The following RFTN1 variants were observed in gnomAD, a reference collection of about 807,000 sequenced individuals.
RFTN1 encodes the protein raftlin.
A neutral mutation model predicts 46.5 loss-of-function variants in RFTN1; 26 were observed. The observed-to-expected ratio is 0.56, with a 90% CI of 0.41 to 0.78. The LOEUF is 0.78. Ranked by LOEUF, RFTN1 falls within the 30% of genes least tolerant of loss-of-function variation. RFTN1 has a pLI of 0.00. For synonymous variants in RFTN1, 261 were observed against 284.2 expected (o/e 0.92, Z 0.82); for missense variants, 693 against 718.7 (o/e 0.96, Z 0.41).
At position 16,336,061 on chromosome 3, in the gene RFTN1, A is replaced by G. The variant is rs1050250808; in HGVS notation, c.1147-9185T>C. Among the ~76,000 whole-genome samples, 1 of 152,198 alleles carries G rather than the reference A, an allele frequency of 6.6e-6. No homozygotes were observed. Among genetic ancestry groups the G allele is most frequent in the Non-Finnish European group, 1.5e-5 (1 of 68,042 alleles). Reference sequence around the variant, plus strand: ...AGGTCCTGTTCTCCTACGGCCATGGAAAGTGGAGATCTAGAGGCAGGGTGG... The same window carrying G: ...AGGTCCTGTTCTCCTACGGCCATGGGAAGTGGAGATCTAGAGGCAGGGTGG... On this transcript the variant is annotated intron_variant, in intron 7 of 9. Transcript: ENST00000334133. This position sits in a 1 kb window ranked among gnomAD's most constrained non-coding sequence, Gnocchi z 6.0.
Position 16,316,655 on chromosome 3 carries a change from A to G in RFTN1, c.*173T>C, listed in dbSNP as rs1465054954. 2 of 728,634 alleles carry G rather than the reference A, an allele frequency of 2.7e-6. No individual in the cohort carries two copies. The highest frequency in any genetic ancestry group is 4.9e-5 in the East Asian group (2 of 40,656). 45.1% of individuals were successfully genotyped at this position (728,634 alleles called of 1,614,324 possible). A position where few individuals can be genotyped will look rare whatever the true frequency, so the allele number is the denominator to read the frequency against. On this transcript the variant is annotated 3_prime_UTR_variant, in exon 10 of 10. Transcript: ENST00000334133. The surrounding 1 kb of genome is among the most constrained non-coding windows in gnomAD (Gnocchi z 4.5). ...CTTTCCAGTGGATGTGCAAAAACCA[A>G]CACTGTCAGGAACCTGGCCCTGGGA...
chr3:16,359,322 A>G (rs531739752), intron 6 of RFTN1, among the ~76,000 whole-genome samples: 1 of 152,286 alleles, frequency 6.6e-6, no homozygotes, highest in Non-Finnish European at 1.5e-5. Flanking sequence ...CTCAATCATA[A>G]TATTATGGAC....
At chr3:16,432,877 G>T (rs573268981) in intron 3 of RFTN1, among the ~76,000 whole-genome samples, 3 of 152,142 alleles carry the variant, frequency 2.0e-5, no homozygotes, top group Non-Finnish European at 2.9e-5. Flanking sequence ...CAACCATGAA[G>T]AAATAAAGGA....
intron 3 of RFTN1, among the ~76,000 whole-genome samples, chr3:16,412,493 A>G (rs1469760601): frequency 6.6e-6 from 1 of 152,218 alleles, no homozygotes; most frequent in Admixed American, 6.5e-5. Context: ...GCAAAGCCCT[A>G]TAGAGCTGCC....
chr3:16,510,788 A>G (rs2076886850), intron 1 of RFTN1, among the ~76,000 whole-genome samples: 1 of 152,216 alleles, frequency 6.6e-6, no homozygotes, highest in African/African-American at 2.4e-5. Flanking sequence ...CCCATGAGAA[A>G]TGAGAACACA....
In RFTN1 at chr3:16,458,334, G is replaced by A. The variant is rs2075949645; in HGVS notation, c.146-24297C>T. On this transcript the variant is annotated intron_variant, in intron 2 of 9. Coordinates refer to ENST00000334133, the MANE Select transcript of RFTN1 (RefSeq NM_015150.2). The surrounding 1 kb of genome is among the most constrained non-coding windows in gnomAD (Gnocchi z 5.1). ...GTTCTGCTGTATTATTCAGGTCCAG[G>A]TATGCTCGGGGTGCTGGAGTTTCAG... is the stretch of plus-strand genomic sequence containing the variant. 6.6e-6 allele frequency among the ~76,000 whole-genome samples: 1 copy of A among 152,174 alleles called. No homozygotes were observed. Among genetic ancestry groups the A allele is most frequent in the South Asian group, 2.1e-4 (1 of 4,830 alleles).
At position 16,481,957 on chromosome 3, in the gene RFTN1, T is replaced by G. The variant is rs1473598613; in HGVS notation, c.145+11768A>C. ...CATCCACACATACTCAAGCTCAGACTTGGCCTTCTGAATCTGAGCTGGAGG... is the reference window on the plus strand; with the variant it reads ...CATCCACACATACTCAAGCTCAGACGTGGCCTTCTGAATCTGAGCTGGAGG... On this transcript the variant is annotated intron_variant, in intron 2 of 9. Coordinates refer to ENST00000334133, the MANE Select transcript of RFTN1 (RefSeq NM_015150.2). The surrounding 1 kb of genome is among the most constrained non-coding windows in gnomAD (Gnocchi z 5.1). Among the ~76,000 whole-genome samples, 1 of 152,210 alleles carries G rather than the reference T, an allele frequency of 6.6e-6. No homozygotes were observed. The highest frequency in any genetic ancestry group is 2.4e-5 in the African/African-American group (1 of 41,448).
rs2125274997 is a variant in RFTN1 at position 16,337,628 on chromosome 3, G to A, written c.1147-10752C>T. On this transcript the variant is annotated intron_variant, in intron 7 of 9. Transcript: ENST00000334133. The surrounding 1 kb of genome is among the most constrained non-coding windows in gnomAD (Gnocchi z 5.0). ...ATGGTGGCAGGCGCCTGTAGTCCCAGCTACTCGGGAGGCTGAGGCAGGAGA... is the reference window on the plus strand; with the variant it reads ...ATGGTGGCAGGCGCCTGTAGTCCCAACTACTCGGGAGGCTGAGGCAGGAGA... Among the ~76,000 whole-genome samples the A allele has an allele frequency of 6.6e-6, 1 of 151,838 alleles. No individual in the cohort carries two copies. Among genetic ancestry groups the A allele is most frequent in the East Asian group, 1.9e-4 (1 of 5,148 alleles).
At position 16,361,064 on chromosome 3, in the gene RFTN1, A is replaced by T. The variant is rs768795722; in HGVS notation, c.1031-3017T>A. ...ATACAGGTATAACACAAGTAAATGG[A>T]CAACACAAATGACAAAGAATTTCCT... On this transcript the variant is annotated intron_variant, in intron 6 of 9. Transcript: ENST00000334133. The surrounding 1 kb of genome is among the most constrained non-coding windows in gnomAD (Gnocchi z 4.3). Among the ~76,000 whole-genome samples, 6 of 152,248 alleles carry T rather than the reference A, an allele frequency of 3.9e-5. No individual in the cohort carries two copies. The highest frequency in any genetic ancestry group is 6.5e-5 in the Admixed American group (1 of 15,288).
At chr3:16,324,104 T>TG (rs34163900) in intron 8 of RFTN1, among the ~76,000 whole-genome samples, 45,392 of 151,930 alleles carry the variant, frequency 0.3, 7,383 homozygotes, top group Non-Finnish European at 0.36. Flanking sequence ...AGAAGATCAC[T>TG]GTTTTTTTTT....
chr3:16,482,655 A>G (rs2076386295), intron 2 of RFTN1: 1 of 1,096,324 alleles, frequency 9.1e-7, no homozygotes, highest in Admixed American at 2.0e-5. Flanking sequence ...TAAAATCAAG[A>G]TCTCTATAAG....
chr3:16,419,092 T>A (rs1471359658), intron 3 of RFTN1, among the ~76,000 whole-genome samples: 1 of 152,092 alleles, frequency 6.6e-6, no homozygotes, highest in Non-Finnish European at 1.5e-5. Flanking sequence ...AGACCTAGAT[T>A]GAGAAAAGCA....
chr3:16,487,895 C>T (rs1046101278), intron 2 of RFTN1, among the ~76,000 whole-genome samples: 1 of 152,160 alleles, frequency 6.6e-6, no homozygotes, highest in Admixed American at 6.5e-5. Context: ...GTTCATCCCT[C>T]GGTGACCAGA....
In RFTN1 at chr3:16,327,620, G is replaced by T. The variant is rs2069845509; in HGVS notation, c.1147-744C>A. 6.6e-6 allele frequency among the ~76,000 whole-genome samples: 1 copy of T among 152,060 alleles called. No homozygotes were observed. The highest frequency in any genetic ancestry group is 2.1e-4 in the South Asian group (1 of 4,822). On this transcript the variant is annotated intron_variant, in intron 7 of 9. Coordinates refer to ENST00000334133, the MANE Select transcript of RFTN1 (RefSeq NM_015150.2). The surrounding 1 kb of genome is among the most constrained non-coding windows in gnomAD (Gnocchi z 4.2). The stretch of plus-strand genomic sequence containing the variant: ...TAAAAATACAAAAAAAATTAGCCAG[G>T]CCTGGTGGCGGGCGCCTGTAGTCCC...
intron 4 of RFTN1, among the ~76,000 whole-genome samples, chr3:16,379,465 G>A (rs1287168606): frequency 6.6e-6 from 1 of 152,206 alleles, no homozygotes; most frequent in African/African-American, 2.4e-5. Context: ...CAATGATGCT[G>A]CATGGTATCA....
intron 3 of RFTN1, among the ~76,000 whole-genome samples, chr3:16,412,440 C>T (rs929452825): frequency 6.6e-6 from 1 of 152,202 alleles, no homozygotes; most frequent in Non-Finnish European, 1.5e-5. Context: ...CAGAAACTCT[C>T]TCCTTGCCAC....
Position 16,352,760 on chromosome 3 carries a change from C to T in RFTN1, c.1146+5172G>A, listed in dbSNP as rs576627390. ...TTAATATATTTTCTCTTTTAATTCT[C>T]ATCAATTTTGAGAGGTTGTTACCAG... On this transcript the variant is annotated intron_variant, in intron 7 of 9. Coordinates refer to ENST00000334133, the MANE Select transcript of RFTN1 (RefSeq NM_015150.2). The surrounding 1 kb of genome is among the most constrained non-coding windows in gnomAD (Gnocchi z 4.6). Among the ~76,000 whole-genome samples, 2 of 152,300 alleles carry T rather than the reference C, an allele frequency of 1.3e-5. No individual in the cohort carries two copies. The highest frequency in any genetic ancestry group is 1.3e-4 in the Admixed American group (2 of 15,304).
In RFTN1 at chr3:16,374,223, G is replaced by C. The variant is rs2073651196; in HGVS notation, c.826+3495C>G. ...TCCCCCAGAAATCACAAGCCAGTAA[G>C]TGGCACAGCCAAGAGTCTTTCAAAC... On this transcript the variant is annotated intron_variant, in intron 5 of 9. Coordinates refer to ENST00000334133, the MANE Select transcript of RFTN1 (RefSeq NM_015150.2). The surrounding 1 kb of genome is among the most constrained non-coding windows in gnomAD (Gnocchi z 5.4). Among the ~76,000 whole-genome samples, 1 of 152,218 alleles carries C rather than the reference G, an allele frequency of 6.6e-6. No individual in the cohort carries two copies. Among genetic ancestry groups the C allele is most frequent in the Admixed American group, 6.5e-5 (1 of 15,284 alleles).
At position 16,348,699 on chromosome 3, in the gene RFTN1, C is replaced by G. The variant is rs1350836753; in HGVS notation, c.1146+9233G>C. Among the ~76,000 whole-genome samples the G allele has an allele frequency of 1.3e-5, 2 of 152,180 alleles. No individual in the cohort carries two copies. Among genetic ancestry groups the G allele is most frequent in the Non-Finnish European group, 2.9e-5 (2 of 68,030 alleles). Reference sequence around the variant, plus strand: ...TCAAAAAGTAGTCACTCTCTTTGAGCCTATGGAGTTTCCCAGTTCCCTGAG... The same window carrying G: ...TCAAAAAGTAGTCACTCTCTTTGAGGCTATGGAGTTTCCCAGTTCCCTGAG... On this transcript the variant is annotated intron_variant, in intron 7 of 9. Coordinates refer to ENST00000334133, the MANE Select transcript of RFTN1 (RefSeq NM_015150.2). This position sits in a 1 kb window ranked among gnomAD's most constrained non-coding sequence, Gnocchi z 6.3.
Sources: gnomAD v4.1 joint callset for allele counts (sites outside exome capture counted in the v4.1 genomes callset) on GRCh38, gnomAD v4.1.1 for gene constraint, Gnocchi (gnomAD v3.1) non-coding constraint, MANE v1.5 for transcripts, NCBI Gene and HGNC (gene_info 2026-07-23, HGNC 2026-07-21) for gene names.